PNOC: variants seen among roughly 807,000 people sequenced by gnomAD.
PNOC encodes the protein prepronociceptin.
A neutral mutation model predicts 15.6 loss-of-function variants in PNOC; 10 were observed. That is an observed-to-expected ratio of 0.64 (90% CI 0.40 to 1.09). PNOC has a LOEUF of 1.09. Ranked by LOEUF, PNOC falls within the 50% of genes least tolerant of loss-of-function variation. The pLI is 0.01. For synonymous variants in PNOC, 98 were observed against 88.5 expected (o/e 1.11, Z -0.60); for missense variants, 220 against 223.9 (o/e 0.98, Z 0.11).
chr8:28,320,072 GTTTCTTTC>G lies in PNOC; in HGVS notation c.-24+2772_-24+2779del, dbSNP rs1368496373. Among the ~76,000 whole-genome samples, 377 of 38,952 alleles carry G rather than the reference GTTTCTTTC, an allele frequency of 9.7e-3. 5 individuals carry two copies. Among genetic ancestry groups the G allele is most frequent in the Middle Eastern group, 0.025 (1 of 40 alleles). The allele number at this position is 38,952 out of a possible 152,430, so 25.6% of individuals were successfully genotyped here. ...CGATCCTGTGGGGTTTTTTTTGTTT[GTTTCTTTC>G]TTTCTTTCTTTCTTTTTTTTTTTTT... is the stretch of plus-strand genomic sequence containing the variant. On this transcript the variant is annotated intron_variant, in intron 1 of 3. Transcript: ENST00000301908.
chr8:28,338,789 G>T, intron 2 of PNOC: 1 of 1,205,918 alleles, frequency 8.3e-7, no homozygotes, highest in Non-Finnish European at 1.0e-6. Context: ...GACACCAGAG[G>T]TAAGTTACGC....
At chr8:28,326,778 T>G (rs1318381980) in intron 1 of PNOC, among the ~76,000 whole-genome samples, 1 of 152,148 alleles carries the variant, frequency 6.6e-6, no homozygotes, top group Non-Finnish European at 1.5e-5. Context: ...GAGAATCTCT[T>G]GAACCAGGGA....
chr8:28,340,680 T>A (rs148985213), intron 3 of PNOC, among the ~76,000 whole-genome samples: 17 of 152,324 alleles, frequency 1.1e-4, no homozygotes, highest in African/African-American at 3.6e-4. Context: ...CTGCAGTCTA[T>A]ACAAGAAGCA....
At chr8:28,327,518 T>C (rs1801244414) in intron 1 of PNOC, among the ~76,000 whole-genome samples, 2 of 152,074 alleles carry the variant, frequency 1.3e-5, no homozygotes, top group Non-Finnish European at 2.9e-5. Context: ...TCCAGGCTAC[T>C]GTAACAAAAG....
chr8:28,319,286 C>T (rs552378453), intron 1 of PNOC, among the ~76,000 whole-genome samples: 1 of 151,830 alleles, frequency 6.6e-6, no homozygotes, highest in South Asian at 2.1e-4. Flanking sequence ...ATAGTGGGGT[C>T]GGGGGTAGAG....
intron 1 of PNOC, among the ~76,000 whole-genome samples, chr8:28,319,605 TAC>T (rs1233812063): frequency 6.6e-6 from 1 of 152,202 alleles, no homozygotes; most frequent in Non-Finnish European, 1.5e-5. Context: ...TTCATGCTAA[TAC>T]ACACATGCAC....
At chr8:28,342,717 G>A (rs111572223) in intron 3 of PNOC, among the ~76,000 whole-genome samples, 3 of 152,322 alleles carry the variant, frequency 2.0e-5, no homozygotes, top group African/African-American at 7.2e-5. Context: ...TCGAGTCACA[G>A]CCTACAGACC....
intron 3 of PNOC, among the ~76,000 whole-genome samples, chr8:28,340,925 T>C (rs766347019): frequency 2.4e-4 from 37 of 152,218 alleles, no homozygotes; most frequent in Non-Finnish European, 4.6e-4. Flanking sequence ...ACCTCCAACA[T>C]TAGGGATCAC....
intron 2 of PNOC, chr8:28,338,593 T>A (rs879443789): frequency 1.0e-6 from 1 of 989,040 alleles, no homozygotes; most frequent in Non-Finnish European, 1.2e-6. Context: ...TTTGACTACA[T>A]ACTTTCACAT....
intron 2 of PNOC, among the ~76,000 whole-genome samples, chr8:28,334,084 A>G (rs895395089): frequency 1.4e-5 from 2 of 140,252 alleles, no homozygotes; most frequent in Admixed American, 7.1e-5. Flanking sequence ...ACACACACAC[A>G]CACACCAGTT....
rs1469524140 is a variant in PNOC, at chr8:28,343,005, T to A, written c.*111T>A. 1.1e-5 allele frequency: 11 copies of A among 985,390 alleles called. No individual in the cohort carries two copies. Among genetic ancestry groups the A allele is most frequent in the Non-Finnish European group, 1.3e-5 (11 of 829,872 alleles). The allele number at this position is 985,390 out of a possible 1,614,324, so 61.0% of individuals were successfully genotyped here. On this transcript the variant is annotated 3_prime_UTR_variant, in exon 4 of 4. Transcript: ENST00000301908. ...CAGACCTGCCGCCTGGGAATCAGGATTCCTTCTTCCCCAAGGCACTGAGCG... is the reference window on the plus strand; with the variant it reads ...CAGACCTGCCGCCTGGGAATCAGGAATCCTTCTTCCCCAAGGCACTGAGCG...
At position 28,324,704 on chromosome 8, in the gene PNOC, A is replaced by C. The variant is rs568837640; in HGVS notation, c.-23-4431A>C. 2.0e-5 allele frequency among the ~76,000 whole-genome samples: 3 copies of C among 152,242 alleles called. No individual in the cohort carries two copies. In the South Asian group the frequency reaches 6.2e-4, roughly 32 times the overall value. ...CATGGTGAAACCCATCTCTACTAAT[A>C]ATACAAAAATTAGCTGGGGGTGGTG... On this transcript the variant is annotated intron_variant, in intron 1 of 3. Coordinates refer to ENST00000301908, the MANE Select transcript of PNOC (RefSeq NM_006228.5).
chr8:28,322,425 G>T (rs1801165372), intron 1 of PNOC, among the ~76,000 whole-genome samples: 1 of 152,020 alleles, frequency 6.6e-6, no homozygotes, highest in Non-Finnish European at 1.5e-5. Flanking sequence ...AATAAAAAAG[G>T]TTGTCATCAG....
intron 3 of PNOC, among the ~76,000 whole-genome samples, chr8:28,341,032 A>G (rs1194457649): frequency 2.0e-5 from 3 of 152,178 alleles, no homozygotes; most frequent in African/African-American, 2.4e-5. Flanking sequence ...CCAAAACATT[A>G]CCCAAGTGGG....
At chr8:28,331,375 G>T (rs1259813961) in intron 2 of PNOC, among the ~76,000 whole-genome samples, 1 of 151,846 alleles carries the variant, frequency 6.6e-6, no homozygotes, top group Non-Finnish European at 1.5e-5. Context: ...GCCCTCTCTC[G>T]GTCCATGTGC....
At chr8:28,333,326 G>A (rs1801358260) in intron 2 of PNOC, among the ~76,000 whole-genome samples, 1 of 152,104 alleles carries the variant, frequency 6.6e-6, no homozygotes, top group South Asian at 2.1e-4. Context: ...CTTTACAGAT[G>A]AATTTGGCAG....
chr8:28,325,139 C>T (rs1170152178), intron 1 of PNOC, among the ~76,000 whole-genome samples: 2 of 152,276 alleles, frequency 1.3e-5, no homozygotes, highest in Admixed American at 1.3e-4. Flanking sequence ...CACTCTGCAG[C>T]GTGGGTCTGT....
At chr8:28,319,825 C>A (rs1244423658) in intron 1 of PNOC, among the ~76,000 whole-genome samples, 1 of 152,160 alleles carries the variant, frequency 6.6e-6, no homozygotes, top group Non-Finnish European at 1.5e-5. Flanking sequence ...AAACGGGAGC[C>A]GTCCTGACAA....
intron 1 of PNOC, among the ~76,000 whole-genome samples, chr8:28,320,159 A>C (rs1468353317): frequency 1.5e-5 from 2 of 135,796 alleles, no homozygotes; most frequent in African/African-American, 5.6e-5. Context: ...GCAGAAGCAC[A>C]AAATCATCAG....
Sources: gnomAD v4.1 joint callset for allele counts (sites outside exome capture counted in the v4.1 genomes callset) on GRCh38, gnomAD v4.1.1 for gene constraint, MANE v1.5 for transcripts, NCBI Gene and HGNC (gene_info 2026-07-23, HGNC 2026-07-21) for gene names.